Variants in RGS6 observed in about 807,000 individuals in gnomAD.
RGS6 encodes the protein regulator of G-protein signaling 6.
A neutral mutation model predicts 78.5 loss-of-function variants in RGS6; 30 were observed. The ratio of observed to expected loss-of-function variants is 0.38; its 90% CI spans 0.29 to 0.52. The LOEUF (loss-of-function observed/expected upper bound fraction) is 0.52, where lower values mean the gene tolerates loss of function less well. Ranked by LOEUF, RGS6 falls within the 20% of genes least tolerant of loss-of-function variation. The pLI, the probability that RGS6 is intolerant of heterozygous loss-of-function variation, is 0.85. For synonymous variants in RGS6, 206 were observed against 206.0 expected (o/e 1.00, Z 0.00); for missense variants, 495 against 609.7 (o/e 0.81, Z 1.98).
At chr14:72,295,424 C>T (rs1442143508) in intron 2 of RGS6, among the ~76,000 whole-genome samples, 1 of 152,160 alleles carries the variant, frequency 6.6e-6, no homozygotes, top group Middle Eastern at 3.2e-3. Context: ...GTAACCCCCT[C>T]CCCAGATCCG....
Position 72,430,019 on chromosome 14 carries a change from G to A in RGS6, c.185-24509G>A, listed in dbSNP as rs969854542. Among the ~76,000 whole-genome samples, 9 of 152,112 alleles carry A rather than the reference G, an allele frequency of 5.9e-5. No individual in the cohort carries two copies. In the East Asian group the frequency reaches 7.7e-4, roughly 13 times the overall value. On this transcript the variant is annotated intron_variant, in intron 3 of 17. Coordinates refer to ENST00000553525, the MANE Select transcript of RGS6 (RefSeq NM_001204424.2). The stretch of plus-strand genomic sequence containing the variant: ...CGATTGTAAGTTTCCTGAGGCCTCC[G>A]CAGCCATGCTGAACTGTGAGTCAAT...
the RGS6 span, among the ~76,000 whole-genome samples, chr14:72,586,749 C>G: frequency 3.9e-5 from 6 of 152,248 alleles, no homozygotes; most frequent in Non-Finnish European, 7.4e-5. Flanking sequence ...GGCCTGATGC[C>G]TTGTCTGCCT....
intron 3 of RGS6, among the ~76,000 whole-genome samples, chr14:72,396,281 T>G (rs549241522): frequency 2.0e-5 from 3 of 152,256 alleles, no homozygotes; most frequent in Non-Finnish European, 4.4e-5. Flanking sequence ...ATTTCTCTGA[T>G]GGCCAGTGAT....
intron 2 of RGS6, among the ~76,000 whole-genome samples, chr14:72,325,895 T>C (rs2073616479): frequency 6.6e-6 from 1 of 152,164 alleles, no homozygotes. Flanking sequence ...TAATCACACA[T>C]TGTTGGCAAC....
the RGS6 span, among the ~76,000 whole-genome samples, chr14:71,908,756 G>C: frequency 1.3e-5 from 2 of 152,186 alleles, no homozygotes; most frequent in South Asian, 4.2e-4. Flanking sequence ...TGCCCTTCTA[G>C]GGAGAATAAA....
chr14:72,139,584 G>A (rs768913292), intron 2 of RGS6, among the ~76,000 whole-genome samples: 21 of 152,158 alleles, frequency 1.4e-4, no homozygotes, highest in Non-Finnish European at 2.4e-4. Context: ...AAAAAATACT[G>A]TTTGCACTGA....
At chr14:72,585,359 G>T in the RGS6 span, among the ~76,000 whole-genome samples, 1 of 152,294 alleles carries the variant, frequency 6.6e-6, no homozygotes, top group African/African-American at 2.4e-5. Context: ...TTCCTGAGGA[G>T]CAGACTCTGA....
the RGS6 span, among the ~76,000 whole-genome samples, chr14:72,627,491 T>A: frequency 6.6e-6 from 1 of 152,218 alleles, no homozygotes; most frequent in Admixed American, 6.5e-5. Flanking sequence ...GGGCTTTCTA[T>A]TCTATCTCAG....
chr14:72,194,211 AG>A lies in RGS6; in HGVS notation c.85-157882del, dbSNP rs536763965. On this transcript the variant is annotated intron_variant, in intron 2 of 17. Transcript: ENST00000553525. ...ATTGTTGCTGTACCAGTTGTGGGCT[AG>A]GAAAGAAAGCAGTGTGGGTCAAGCA... Among the ~76,000 whole-genome samples, 1,065 of 152,248 alleles carry A rather than the reference AG, an allele frequency of 7.0e-3. 5 individuals carry two copies. The highest frequency in any genetic ancestry group is 0.02 in the Middle Eastern group (6 of 294).
rs34953560 is a variant in RGS6, at chr14:72,504,921, A to ATTTTTTTTTTTTTTT, written c.966-5219_966-5205dup. Among the ~76,000 whole-genome samples, 22 of 76,076 alleles carry ATTTTTTTTTTTTTTT rather than the reference A, an allele frequency of 2.9e-4. 1 individual carries two copies. Among genetic ancestry groups the ATTTTTTTTTTTTTTT allele is most frequent in the African/African-American group, 9.2e-4 (18 of 19,496 alleles). The allele number at this position is 76,076 out of a possible 152,430, so 49.9% of individuals were successfully genotyped here. A position where few individuals can be genotyped will look rare whatever the true frequency, so the allele number is the denominator to read the frequency against. On this transcript the variant is annotated intron_variant, in intron 13 of 17. Transcript: ENST00000553525. ...AGGTGCCCACCACCACGCCCAGCTA[A>ATTTTTTTTTTTTTTT]TTTTTTTTTTTTTTTTTTTTTTTTT...
chr14:72,296,442 A>G (rs1350443178), intron 2 of RGS6, among the ~76,000 whole-genome samples: 2 of 152,224 alleles, frequency 1.3e-5, no homozygotes, highest in African/African-American at 4.8e-5. Flanking sequence ...CATTTTACAC[A>G]TCCATGCAAT....
At chr14:71,884,682 A>G in the RGS6 span, among the ~76,000 whole-genome samples, 54 of 152,240 alleles carry the variant, frequency 3.5e-4, no homozygotes, top group African/African-American at 6.7e-4. Context: ...AATGAGGTCT[A>G]TTCCTTTTTA....
chr14:72,448,755 T>G (rs925325121), intron 3 of RGS6, among the ~76,000 whole-genome samples: 12 of 152,204 alleles, frequency 7.9e-5, no homozygotes. Flanking sequence ...ATATCGGTTT[T>G]CTAATTGTTT....
chr14:72,069,286 G>T (rs1355701279), intron 2 of RGS6, among the ~76,000 whole-genome samples: 6 of 151,906 alleles, frequency 3.9e-5, no homozygotes, highest in Non-Finnish European at 8.8e-5. Flanking sequence ...TTTCTTTTAG[G>T]TTGATATTTT....
intron 15 of RGS6, among the ~76,000 whole-genome samples, chr14:72,532,424 T>G (rs1259791755): frequency 6.6e-6 from 1 of 152,176 alleles, no homozygotes; most frequent in Non-Finnish European, 1.5e-5. Context: ...AAATGACAAC[T>G]ATATTGAAAT....
intron 2 of RGS6, among the ~76,000 whole-genome samples, chr14:72,231,021 C>T (rs1348901016): frequency 6.6e-6 from 1 of 152,062 alleles, no homozygotes; most frequent in Non-Finnish European, 1.5e-5. Context: ...AAATACCTAG[C>T]AAATAGAAGC....
intron 2 of RGS6, among the ~76,000 whole-genome samples, chr14:72,109,368 G>A (rs2095703596): frequency 6.6e-6 from 1 of 152,068 alleles, no homozygotes; most frequent in Non-Finnish European, 1.5e-5. Flanking sequence ...CGACATGTAG[G>A]GATTCTAGGA....
intron 1 of RGS6, among the ~76,000 whole-genome samples, chr14:71,960,411 C>T (rs1360343320): frequency 6.6e-6 from 1 of 152,172 alleles, no homozygotes; most frequent in African/African-American, 2.4e-5. Context: ...CTTTATTGGC[C>T]ACTTTTAATG....
chr14:72,435,673 C>G (rs1197959725), intron 3 of RGS6, among the ~76,000 whole-genome samples: 1 of 151,974 alleles, frequency 6.6e-6, no homozygotes, highest in African/African-American at 2.4e-5. Context: ...TTTCTTGTCT[C>G]GTGGCCCTTT....
Sources: gnomAD v4.1 joint callset for allele counts (sites outside exome capture counted in the v4.1 genomes callset) on GRCh38, gnomAD v4.1.1 for gene constraint, MANE v1.5 for transcripts, NCBI Gene and HGNC (gene_info 2026-07-23, HGNC 2026-07-21) for gene names.